Variants in GOPC observed in about 807,000 individuals in gnomAD.
GOPC encodes the protein Golgi-associated PDZ and coiled-coil motif-containing protein.
In GOPC, 32 loss-of-function variants were observed where a neutral mutation model predicts 51.2. The ratio of observed to expected loss-of-function variants is 0.63; its 90% CI spans 0.47 to 0.84. The LOEUF is 0.84. Among genes scored for constraint, GOPC ranks in the 40% least tolerant of loss-of-function variants. The probability of loss-of-function intolerance (pLI) is 0.00; values close to 1 mark genes in which losing one functional copy is unlikely to be tolerated. For synonymous variants in GOPC, 190 were observed against 205.1 expected (o/e 0.93, Z 0.63); for missense variants, 441 against 555.5 (o/e 0.79, Z 2.07).
chr6:117,592,559 A>G (rs1322829079), intron 1 of GOPC, among the ~76,000 whole-genome samples: 2 of 151,874 alleles, frequency 1.3e-5, no homozygotes, highest in Non-Finnish European at 2.9e-5. Flanking sequence ...CATCACTCCA[A>G]TCTCTGCTTC....
At chr6:117,563,682 A>C (rs1424387498) in intron 8 of GOPC, among the ~76,000 whole-genome samples, 1 of 151,760 alleles carries the variant, frequency 6.6e-6, no homozygotes, top group Non-Finnish European at 1.5e-5. Flanking sequence ...AGATCGTACC[A>C]CCGCACTCTA....
At position 117,562,452 on chromosome 6, in the gene GOPC, C is replaced by G. The variant is rs1341055484; in HGVS notation, c.*802G>C. ...TGTATAAAACTGTCTTTTGTGGACC[C>G]CAGAAAACAAGCATTTGAGGCTCAA... On this transcript the variant is annotated 3_prime_UTR_variant, in exon 9 of 9. Transcript: ENST00000368498. 9.8e-6 allele frequency: 2 copies of G among 203,136 alleles called. No homozygotes were observed. The highest frequency in any genetic ancestry group is 2.3e-5 in the African/African-American group (1 of 43,616). 12.6% of individuals were successfully genotyped at this position (203,136 alleles called of 1,614,324 possible).
Position 117,563,283 on chromosome 6 carries a change from G to A in GOPC, c.1360C>T (p.His454Tyr). ...TAAGATTTTTTATGATACAGAGTGT[G>A]CAGATCATCTAATTTTGAAGCACCG... ...DDGASKLDDL[H>Y]TLYHKKSY Residue 454 changes from histidine to tyrosine, a missense_variant, in exon 9 of 9, where the codon CAC (histidine) becomes TAC (tyrosine). Physicochemically the swap from His to Tyr is moderately conservative, Grantham distance 83. Around this residue, in one of 3 missense-constraint regions of GOPC, gnomAD observed 71 missense variants for 68.8 expected, o/e 1.03. Coordinates refer to ENST00000368498, the MANE Select transcript of GOPC (RefSeq NM_020399.4). 1 of 1,612,804 alleles carries A rather than the reference G, an allele frequency of 6.2e-7. No homozygotes were observed. The highest frequency in any genetic ancestry group is 1.1e-5 in the South Asian group (1 of 91,064).
intron 6 of GOPC, among the ~76,000 whole-genome samples, chr6:117,570,381 T>G (rs1779786721): frequency 6.6e-6 from 1 of 152,066 alleles, no homozygotes; most frequent in South Asian, 2.1e-4. Flanking sequence ...GCCACCTTAT[T>G]CATTAAAGCA....
Position 117,569,559 on chromosome 6 carries a change from G to T in GOPC, c.1077+13C>A. 6.2e-7 allele frequency: 1 copy of T among 1,611,356 alleles called. No homozygotes were observed. Among genetic ancestry groups the T allele is most frequent in the Non-Finnish European group, 8.5e-7 (1 of 1,178,894 alleles). ...TTGATAGATCCAGTTCTAATTACAT[G>T]AAGGGAATTTACCTGCTGAGAAAGA... On this transcript the variant is annotated intron_variant, in intron 7 of 8. Coordinates refer to ENST00000368498, the MANE Select transcript of GOPC (RefSeq NM_020399.4).
At chr6:117,569,514 T>A in intron 7 of GOPC, 58 bp downstream of exon 7, 4 of 1,590,226 alleles carry the variant, frequency 2.5e-6, no homozygotes, top group Non-Finnish European at 1.7e-6. Flanking sequence ...GTATACAGTG[T>A]TCAATAGATT....
Position 117,580,192 on chromosome 6 carries a change from G to A in GOPC, c.286-1128C>T, listed in dbSNP as rs75168923. Among the ~76,000 whole-genome samples, 456 of 152,188 alleles carry A rather than the reference G, an allele frequency of 3.0e-3. 3 individuals are homozygous for A. Among genetic ancestry groups the A allele is most frequent in the African/African-American group, 0.011 (445 of 41,556 alleles). ...CCTCTCTGAGCATAGATAGGGATCA[G>A]ATAATTGGGATATGTCTCTATATCC... On this transcript the variant is annotated intron_variant, in intron 1 of 8. Coordinates refer to ENST00000368498, the MANE Select transcript of GOPC (RefSeq NM_020399.4).
rs548137311 is a variant in GOPC, at chr6:117,565,069, A to G, written c.1259-1685T>C. 2.0e-5 allele frequency among the ~76,000 whole-genome samples: 3 copies of G among 152,344 alleles called. No homozygotes were observed. In the East Asian group the frequency reaches 5.8e-4, roughly 29 times the overall value. ...TCCCATATTAGTAGGTAAAATTGAA[A>G]AATCTAAAAAAAAATTCATTTCTTT... On this transcript the variant is annotated intron_variant, in intron 8 of 8. Transcript: ENST00000368498.
chr6:117,596,013 C>T (rs1780192128), intron 1 of GOPC, among the ~76,000 whole-genome samples: 1 of 152,136 alleles, frequency 6.6e-6, no homozygotes, highest in African/African-American at 2.4e-5. Flanking sequence ...ACATTCCCAC[C>T]AACAGTGTAA....
chr6:117,570,626 G>A (rs556742572), intron 6 of GOPC, among the ~76,000 whole-genome samples: 19 of 151,890 alleles, frequency 1.3e-4, no homozygotes, highest in African/African-American at 4.6e-4. Context: ...ACTATTAAGT[G>A]AATCATAATA....
Position 117,566,942 on chromosome 6 carries a change from A to G in GOPC, c.1170T>C (p.Arg390=), listed in dbSNP as rs767345830. 1 of 1,612,244 alleles carries G rather than the reference A, an allele frequency of 6.2e-7. No homozygotes were observed. The highest frequency in any genetic ancestry group is 1.1e-5 in the South Asian group (1 of 90,830). The part of the protein sequence containing the change: ...NVEYEDESGH[R]YRLYLDELEG... The stretch of plus-strand genomic sequence containing the variant: ...CTAACTCATCAAGGTACAAACGGTA[A>G]CGATGTCCACTCTCATCTTCATACT... Residue 390 remains arginine, a synonymous_variant, in exon 8 of 9, where the codon CGT becomes CGC. Transcript: ENST00000368498.
chr6:117,569,934 C>CTG, intron 6 of GOPC, 198 bp from the exon 7 acceptor site: 1 of 535,976 alleles, frequency 1.9e-6, no homozygotes, highest in Non-Finnish European at 2.9e-6. Context: ...TGGCTAAATT[C>CTG]TTAAATTAAA....
At chr6:117,579,356 T>C (rs1779926849) in intron 1 of GOPC, among the ~76,000 whole-genome samples, 1 of 152,094 alleles carries the variant, frequency 6.6e-6, no homozygotes, top group Non-Finnish European at 1.5e-5. Flanking sequence ...CTGTTTCACC[T>C]TTATCTTCAA....
At chr6:117,568,902 C>A (rs1439720910) in intron 7 of GOPC, among the ~76,000 whole-genome samples, 2 of 152,154 alleles carry the variant, frequency 1.3e-5, no homozygotes, top group Non-Finnish European at 2.9e-5. Context: ...AGAGGCATAC[C>A]ACACTGATAA....
chr6:117,582,664 A>T (rs1245066924), intron 1 of GOPC, among the ~76,000 whole-genome samples: 7 of 150,422 alleles, frequency 4.7e-5, no homozygotes. Context: ...TGCCCTTCCC[A>T]TCCCCTTTCC....
At chr6:117,572,444 C>A (rs749045394) in intron 5 of GOPC, among the ~76,000 whole-genome samples, 4 of 152,132 alleles carry the variant, frequency 2.6e-5, no homozygotes, top group Non-Finnish European at 5.9e-5. Flanking sequence ...GTCCTCTTCA[C>A]TATACCAAAA....
At chr6:117,583,840 CAA>C (rs1231341206) in intron 1 of GOPC, among the ~76,000 whole-genome samples, 3 of 152,182 alleles carry the variant, frequency 2.0e-5, no homozygotes, top group Non-Finnish European at 4.4e-5. Flanking sequence ...AAACATTTAA[CAA>C]AGTGTTATCC....
At chr6:117,580,931 A>C (rs1193951279) in intron 1 of GOPC, among the ~76,000 whole-genome samples, 3 of 152,208 alleles carry the variant, frequency 2.0e-5, no homozygotes, top group Non-Finnish European at 4.4e-5. Flanking sequence ...GTGCAATGGA[A>C]GATTAGGTCA....
Position 117,577,465 on chromosome 6 carries a change from G to A in GOPC, c.457C>T (p.Pro153Ser). 2 of 1,603,106 alleles carry A rather than the reference G, an allele frequency of 1.2e-6. No individual in the cohort carries two copies. Among genetic ancestry groups the A allele is most frequent in the Non-Finnish European group, 1.7e-6 (2 of 1,174,830 alleles). ...SGTIKAKLSG[P>S]SVEELERELE... is the part of the protein sequence containing the mutation. ...ATACTTACCAGCTCCTCCACAGAGG[G>A]GCCAGACTTCAGATATAAGAAAAAA... is the stretch of plus-strand genomic sequence containing the variant. The change falls in exon 3 of 9, where the codon CCC (proline) becomes TCC (serine). Residue 153 changes from proline to serine, a missense_variant. Around this residue, in one of 3 missense-constraint regions of GOPC, gnomAD observed 204 missense variants for 219.8 expected, o/e 0.93. Coordinates refer to ENST00000368498, the MANE Select transcript of GOPC (RefSeq NM_020399.4).
Sources: gnomAD v4.1 joint callset for allele counts (sites outside exome capture counted in the v4.1 genomes callset) on GRCh38, gnomAD v4.1.1 for gene constraint, gnomAD v4.1.1 regional missense constraint, MANE v1.5 for transcripts, NCBI Gene and HGNC (gene_info 2026-07-23, HGNC 2026-07-21) for gene names.